ABCA13: variants seen among roughly 807,000 people sequenced by gnomAD.
ABCA13 encodes the protein ATP-binding cassette sub-family A member 13.
In ABCA13, 476 loss-of-function variants were observed where a neutral mutation model predicts 478.7. That is an observed-to-expected ratio of 0.99 (90% confidence interval 0.92 to 1.07). The LOEUF (loss-of-function observed/expected upper bound fraction) is 1.07, where lower values mean the gene tolerates loss of function less well. Ranked by LOEUF, ABCA13 falls within the 50% of genes least tolerant of loss-of-function variation. The probability of loss-of-function intolerance (pLI) is 0.00; values close to 1 mark genes in which losing one functional copy is unlikely to be tolerated. For missense variants in ABCA13, 6,060 were observed against 5,910.6 expected, an observed-to-expected ratio of 1.03 and a Z score of -0.83; for synonymous variants, 2,252 against 2,158.9, an observed-to-expected ratio of 1.04 and a Z score of -1.20.
chr7:48,621,651 G>T (rs1384034866), intron 59 of ABCA13, among the ~76,000 whole-genome samples: 1 of 152,014 alleles, frequency 6.6e-6, no homozygotes, highest in East Asian at 1.9e-4. Flanking sequence ...TTATTTTTTT[G>T]ATACTTCTAA....
At chr7:48,638,278 G>T (rs866089833) in intron 59 of ABCA13, among the ~76,000 whole-genome samples, 2 of 152,164 alleles carry the variant, frequency 1.3e-5, no homozygotes, top group South Asian at 4.1e-4. Flanking sequence ...AGGTGACGTT[G>T]ACCCAACCAC....
intron 54 of ABCA13, among the ~76,000 whole-genome samples, 167 bp downstream of exon 54, chr7:48,524,607 G>A (rs1263783692): frequency 6.6e-6 from 1 of 151,842 alleles, no homozygotes; most frequent in African/African-American, 2.4e-5. Context: ...TAGAGGGTCT[G>A]TTGACTATTT....
intron 29 of ABCA13, among the ~76,000 whole-genome samples, chr7:48,344,886 A>C (rs1807819419): frequency 6.6e-6 from 1 of 152,214 alleles, no homozygotes; most frequent in African/African-American, 2.4e-5. Context: ...TCCATTGTGC[A>C]GGAACTATTA....
chr7:48,424,395 G>A (rs1159490107), intron 41 of ABCA13, among the ~76,000 whole-genome samples: 1 of 152,188 alleles, frequency 6.6e-6, no homozygotes, highest in Non-Finnish European at 1.5e-5. Flanking sequence ...CAGATAAGAA[G>A]GAATACAGTG....
intron 58 of ABCA13, among the ~76,000 whole-genome samples, chr7:48,606,319 T>G (rs899184556): frequency 1.3e-5 from 2 of 152,176 alleles, no homozygotes; most frequent in East Asian, 3.9e-4. Flanking sequence ...TTTTCAAGCC[T>G]TTTTGCTCTG....
intron 18 of ABCA13, 101 bp downstream of exon 18, chr7:48,280,021 T>C: frequency 1.6e-6 from 2 of 1,252,120 alleles, no homozygotes; most frequent in Non-Finnish European, 2.1e-6. Flanking sequence ...GTAGTTCTTC[T>C]TGACTTCAAC....
rs1268173979 is a variant in ABCA13 at position 48,646,059 on chromosome 7, G to GA, written c.*553dup. On this transcript the variant is annotated 3_prime_UTR_variant, in exon 62 of 62. Coordinates refer to ENST00000435803, the MANE Select transcript of ABCA13 (RefSeq NM_152701.5). Reference sequence around the variant, plus strand: ...CTGATGACATTATATGGTATGATATGAAAAAATCACCAATTTTTTACATAT... The same window carrying GA: ...CTGATGACATTATATGGTATGATATGAAAAAAATCACCAATTTTTTACATAT... The GA allele has an allele frequency of 6.6e-6, 1 of 152,004 alleles. No individual in the cohort carries two copies. The highest frequency in any genetic ancestry group is 2.4e-5 in the African/African-American group (1 of 41,364). The allele number at this position is 152,004 out of a possible 1,614,324, so 9.4% of individuals were successfully genotyped here. A position where few individuals can be genotyped will look rare whatever the true frequency, so the allele number is the denominator to read the frequency against.
Position 48,278,792 on chromosome 7 carries a change from C to A in ABCA13, c.7598C>A (p.Ser2533Ter), listed in dbSNP as rs201514854. ...CTTCTTAAGCTGGTCAAGAAAGTTTCGGGGAAGATGTCCACAGTTTTTAAA... is the reference window on the plus strand; with the variant it reads ...CTTCTTAAGCTGGTCAAGAAAGTTTAGGGGAAGATGTCCACAGTTTTTAAA... ...VKLLKLVKKV[S>*]GKMSTVFKTH... The change falls in exon 18 of 62, where the codon TCG (serine) becomes TAG (stop). Residue 2533 changes from serine to a stop codon, truncating the protein, a stop_gained. Transcript: ENST00000435803. LOFTEE classifies it high-confidence loss of function. 15 of 1,613,720 alleles carry A rather than the reference C, an allele frequency of 9.3e-6. No homozygotes were observed. Among genetic ancestry groups the A allele is most frequent in the African/African-American group, 1.3e-5 (1 of 74,894 alleles).
At chr7:48,643,440 A>T (rs776954697) in intron 60 of ABCA13, 47 bp downstream of exon 60, 1 of 1,447,878 alleles carries the variant, frequency 6.9e-7, no homozygotes. Context: ...GCTAAAAAAA[A>T]ATAATAAATG....
In ABCA13 at chr7:48,523,030, C is replaced by T. The variant is rs200480058; in HGVS notation, c.14052-1218C>T. 1.5e-4 allele frequency among the ~76,000 whole-genome samples: 23 copies of T among 152,276 alleles called. 1 individual carries two copies. The highest frequency in any genetic ancestry group is 5.8e-4 in the East Asian group (3 of 5,178). On this transcript the variant is annotated intron_variant, in intron 53 of 61. Transcript: ENST00000435803. ...AAGTGTAAAATTCAATGAATTTTCA[C>T]AAATTGAACACATTGATGTAGCCCC...
In ABCA13 at chr7:48,279,894, G is replaced by A. The variant is rs750248823; in HGVS notation, c.8700G>A (p.Trp2900Ter). 12 of 1,523,328 alleles carry A rather than the reference G, an allele frequency of 7.9e-6. No homozygotes were observed. In the East Asian group the frequency reaches 2.5e-4, roughly 32 times the overall value. 94.4% of individuals were successfully genotyped at this position (1,523,328 alleles called of 1,614,324 possible). A position where few individuals can be genotyped will look rare whatever the true frequency, so the allele number is the denominator to read the frequency against. Residue 2900 changes from tryptophan to a stop codon, truncating the protein, a stop_gained, in exon 18 of 62, where the codon TGG (tryptophan) becomes TGA (stop). Transcript: ENST00000435803. LOFTEE classifies it high-confidence loss of function. The stretch of plus-strand genomic sequence containing the variant: ...GATTATTTGTATTGACTAAATACTG[G>A]CAACAAATCCCACTAACAGATCAAA... Reference protein sequence around the residue: ...LGGLFVLTKYWQQIPLTDQSV... With the variant: ...LGGLFVLTKY
chr7:48,194,627 T>C (rs1797683667), intron 2 of ABCA13, among the ~76,000 whole-genome samples: 1 of 152,174 alleles, frequency 6.6e-6, no homozygotes, highest in South Asian at 2.1e-4. Context: ...ATATGTATAA[T>C]GTGGTTGACT....
intron 19 of ABCA13, among the ~76,000 whole-genome samples, chr7:48,284,916 C>T (rs962519333): frequency 6.6e-6 from 1 of 152,090 alleles, no homozygotes; most frequent in South Asian, 2.1e-4. Flanking sequence ...ATAAAGGGAA[C>T]AAGAATAAGA....
At chr7:48,202,170 C>T (rs879401637) in intron 3 of ABCA13, among the ~76,000 whole-genome samples, 1 of 152,162 alleles carries the variant, frequency 6.6e-6, no homozygotes, top group African/African-American at 2.4e-5. Flanking sequence ...TGGAAGGGGA[C>T]CCTAGTGGCT....
At chr7:48,202,053 G>A (rs112699411) in intron 3 of ABCA13, among the ~76,000 whole-genome samples, 14 of 152,180 alleles carry the variant, frequency 9.2e-5, no homozygotes, top group African/African-American at 2.7e-4. Flanking sequence ...GAGTGAAGCC[G>A]CAGACCTTTG....
intron 42 of ABCA13, among the ~76,000 whole-genome samples, chr7:48,442,959 A>G (rs1823828593): frequency 6.6e-6 from 1 of 152,228 alleles, no homozygotes. Flanking sequence ...GTACCTCAGC[A>G]TGTGACTATA....
intron 55 of ABCA13, among the ~76,000 whole-genome samples, chr7:48,542,551 A>G (rs899362700): frequency 2.0e-5 from 3 of 151,796 alleles, no homozygotes; most frequent in Non-Finnish European, 3.0e-5. Context: ...TAATAAATAC[A>G]TTCAAGGCTA....
intron 3 of ABCA13, among the ~76,000 whole-genome samples, chr7:48,212,302 G>A (rs1785786378): frequency 6.6e-6 from 1 of 152,160 alleles, no homozygotes; most frequent in Non-Finnish European, 1.5e-5. Context: ...TCTCCATGCT[G>A]CACTGCCTGG....
intron 55 of ABCA13, among the ~76,000 whole-genome samples, chr7:48,568,507 G>T (rs969802965): frequency 6.6e-6 from 1 of 151,902 alleles, no homozygotes; most frequent in African/African-American, 2.4e-5. Flanking sequence ...ATATGGGCTG[G>T]ATTTGATTTA....
Sources: allele counts gnomAD v4.1 joint callset (sites outside exome capture counted in the v4.1 genomes callset), GRCh38; gene constraint gnomAD v4.1.1; transcripts MANE v1.5; gene names NCBI Gene and HGNC (gene_info 2026-07-23, HGNC 2026-07-21).